The following ERBB4 variants were observed in gnomAD, a reference collection of about 807,000 sequenced individuals.
ERBB4 encodes the protein receptor tyrosine-protein kinase erbB-4.
In ERBB4, 42 loss-of-function variants were observed where a neutral mutation model predicts 158.0. That is an observed-to-expected ratio of 0.27 (90% CI 0.21 to 0.34). The LOEUF is 0.34. Ranked by LOEUF, ERBB4 falls within the 10% of genes least tolerant of loss-of-function variation. The pLI is 1.00. For synonymous variants in ERBB4, 583 were observed against 558.7 expected (o/e 1.04, Z -0.61); for missense variants, 1,333 against 1,624.1 (o/e 0.82, Z 3.08).
chr2:212,107,153 T>C (rs767816373), intron 2 of ERBB4, among the ~76,000 whole-genome samples: 4 of 152,264 alleles, frequency 2.6e-5, no homozygotes, highest in African/African-American at 7.2e-5. Context: ...ACTTGCACCA[T>C]GCACCTGGAA....
At chr2:212,008,030 A>T (rs995747395) in intron 2 of ERBB4, among the ~76,000 whole-genome samples, 6 of 152,066 alleles carry the variant, frequency 3.9e-5, no homozygotes, top group African/African-American at 9.6e-5. Flanking sequence ...AGTGGATAAC[A>T]AACATAAGCA....
At chr2:211,780,521 C>G (rs17878302) in intron 4 of ERBB4, among the ~76,000 whole-genome samples, 66,398 of 151,966 alleles carry the variant, frequency 0.44, 14,889 homozygotes, top group African/African-American at 0.45. Flanking sequence ...CTTAGTAAAA[C>G]TTAATTCCTA....
chr2:211,751,290 C>G (rs1017093239), intron 4 of ERBB4, among the ~76,000 whole-genome samples: 2 of 152,074 alleles, frequency 1.3e-5, no homozygotes, highest in East Asian at 3.8e-4. Context: ...CAACTCTAAG[C>G]CTTAATCTCC....
At chr2:211,601,472 G>A (rs2068797976) in intron 19 of ERBB4, among the ~76,000 whole-genome samples, 1 of 151,474 alleles carries the variant, frequency 6.6e-6, no homozygotes, top group Non-Finnish European at 1.5e-5. Context: ...CATCCCTCAA[G>A]AGCTCAGAAC....
intron 19 of ERBB4, among the ~76,000 whole-genome samples, chr2:211,570,706 A>G (rs749673911): frequency 6.6e-6 from 1 of 152,034 alleles, no homozygotes; most frequent in Non-Finnish European, 1.5e-5. Context: ...GTCCCATCCC[A>G]TATTCCAAAA....
intron 3 of ERBB4, among the ~76,000 whole-genome samples, chr2:211,942,059 T>G (rs930756807): frequency 1.3e-5 from 2 of 152,130 alleles, no homozygotes; most frequent in South Asian, 2.1e-4. Context: ...AGATTTTTTC[T>G]GATTTCACAA....
In ERBB4 at chr2:211,562,344, A is replaced by G. The variant is rs184404146; in HGVS notation, c.2302-256T>C. 1.1e-4 allele frequency among the ~76,000 whole-genome samples: 16 copies of G among 152,372 alleles called. No homozygotes were observed. In the East Asian group the frequency reaches 2.1e-3, roughly 20 times the overall value. Reference sequence around the variant, plus strand: ...AATAACTGCCTACACAATTAATAGCAGTATTTTCTCCTTTGTAATATGAGC... The same window carrying G: ...AATAACTGCCTACACAATTAATAGCGGTATTTTCTCCTTTGTAATATGAGC... On this transcript the variant is annotated intron_variant, in intron 19 of 27. Transcript: ENST00000342788.
At chr2:212,076,533 G>C (rs17415843) in intron 2 of ERBB4, among the ~76,000 whole-genome samples, 21,473 of 151,800 alleles carry the variant, frequency 0.14, 1,945 homozygotes, top group Non-Finnish European at 0.2. Context: ...ATGAGAGAGA[G>C]AGAAAAGTAA....
chr2:211,640,131 C>T lies in ERBB4; in HGVS notation c.1947-9537G>A, dbSNP rs377353115. 2.2e-3 allele frequency among the ~76,000 whole-genome samples: 335 copies of T among 151,990 alleles called. 1 individual carries two copies. The highest frequency in any genetic ancestry group is 7.6e-3 in the African/African-American group (316 of 41,464). ...TTTTTTAACTATACTTTAGATTCCC[C>T]AATCCTTGTTTTATACTGAAAGAAG... On this transcript the variant is annotated intron_variant, in intron 16 of 27. Coordinates refer to ENST00000342788, the MANE Select transcript of ERBB4 (RefSeq NM_005235.3).
At chr2:211,631,367 A>AAGAT (rs1450598811) in intron 16 of ERBB4, among the ~76,000 whole-genome samples, 1 of 152,190 alleles carries the variant, frequency 6.6e-6, no homozygotes, top group Non-Finnish European at 1.5e-5. Flanking sequence ...GGTCAGGAGA[A>AAGAT]AGATAAAGAA....
chr2:211,513,626 T>C (rs1480750278), intron 20 of ERBB4, among the ~76,000 whole-genome samples: 2 of 152,100 alleles, frequency 1.3e-5, no homozygotes, highest in Non-Finnish European at 2.9e-5. Context: ...GAGCAAATAC[T>C]ATTCATCACA....
intron 20 of ERBB4, among the ~76,000 whole-genome samples, chr2:211,475,856 A>G (rs947718555): frequency 6.6e-6 from 1 of 152,164 alleles, no homozygotes; most frequent in Non-Finnish European, 1.5e-5. Flanking sequence ...ATTTGAATTT[A>G]TCTGTAGTAG....
At position 212,187,274 on chromosome 2, in the gene ERBB4, G is replaced by C. The variant is rs190254125; in HGVS notation, c.83-62371C>G. Among the ~76,000 whole-genome samples, 155 of 152,154 alleles carry C rather than the reference G, an allele frequency of 1.0e-3. 1 individual carries two copies. The highest frequency in any genetic ancestry group is 3.7e-4 in the Non-Finnish European group (25 of 67,984). On this transcript the variant is annotated intron_variant, in intron 1 of 27. Transcript: ENST00000342788. ...TATTGTGTCACAATTACCAGCATGT[G>C]AGATGATTCTTCGGTTTAAGATTTC...
intron 3 of ERBB4, among the ~76,000 whole-genome samples, chr2:211,824,817 T>C (rs1033385994): frequency 6.6e-6 from 1 of 151,686 alleles, no homozygotes; most frequent in Non-Finnish European, 1.5e-5. Context: ...CTGAAAAAAA[T>C]ATGTTTGTTT....
At chr2:212,066,633 T>C (rs113050911) in intron 2 of ERBB4, among the ~76,000 whole-genome samples, 10 of 152,160 alleles carry the variant, frequency 6.6e-5, no homozygotes, top group African/African-American at 2.4e-4. Context: ...TATTTTAAAT[T>C]GTTTTATGCT....
chr2:211,404,302 T>C (rs2063104708), intron 25 of ERBB4, among the ~76,000 whole-genome samples: 1 of 152,102 alleles, frequency 6.6e-6, no homozygotes. Context: ...TCTACGCCTT[T>C]GGTGATCCTT....
At chr2:212,449,514 C>T (rs1450435251) in intron 1 of ERBB4, among the ~76,000 whole-genome samples, 3 of 152,052 alleles carry the variant, frequency 2.0e-5, no homozygotes, top group African/African-American at 7.2e-5. Flanking sequence ...TAGCTTTCCC[C>T]AATAAGATGA....
At chr2:211,605,557 TCAC>T (rs1479750776) in intron 19 of ERBB4, among the ~76,000 whole-genome samples, 9 of 152,048 alleles carry the variant, frequency 5.9e-5, no homozygotes, top group African/African-American at 2.2e-4. Context: ...GAAACTGAAT[TCAC>T]CACATCTGGT....
At chr2:212,046,032 C>A (rs1432512251) in intron 2 of ERBB4, among the ~76,000 whole-genome samples, 2 of 152,178 alleles carry the variant, frequency 1.3e-5, no homozygotes, top group Non-Finnish European at 2.9e-5. Context: ...TCACAATTCT[C>A]ATGATCCACC....
Sources: gnomAD v4.1 joint callset for allele counts (sites outside exome capture counted in the v4.1 genomes callset) on GRCh38, gnomAD v4.1.1 for gene constraint, MANE v1.5 for transcripts, NCBI Gene and HGNC (gene_info 2026-07-23, HGNC 2026-07-21) for gene names.